Variants in C10orf90 observed in about 807,000 individuals in gnomAD.
C10orf90 encodes (E2-independent) E3 ubiquitin-conjugating enzyme FATS.
Under a neutral mutation model 62.5 loss-of-function variants are expected in C10orf90, and 56 were observed. The observed-to-expected ratio is 0.90, with a 90% CI of 0.72 to 1.12. C10orf90 has a LOEUF of 1.12. Among genes scored for constraint, C10orf90 ranks in the 50% most tolerant of loss-of-function variants. The pLI is 0.00. For synonymous variants in C10orf90, 386 were observed against 340.4 expected (o/e 1.13, Z -1.47); for missense variants, 970 against 880.4 (o/e 1.10, Z -1.29).
intron 2 of C10orf90, among the ~76,000 whole-genome samples, chr10:126,618,412 C>A (rs1213455526): frequency 6.6e-6 from 1 of 152,174 alleles, no homozygotes; most frequent in Non-Finnish European, 1.5e-5. Context: ...GGCCTCCCGC[C>A]TCCCCACATA....
intron 2 of C10orf90, among the ~76,000 whole-genome samples, chr10:126,594,989 G>C (rs543944928): frequency 1.3e-5 from 2 of 152,234 alleles, no homozygotes; most frequent in African/African-American, 4.8e-5. Context: ...CATGCTAAGA[G>C]AGACCACTCT....
chr10:126,600,801 T>C (rs958463985), intron 2 of C10orf90, among the ~76,000 whole-genome samples: 1 of 152,146 alleles, frequency 6.6e-6, no homozygotes, highest in African/African-American at 2.4e-5. Context: ...CTTACCTTAA[T>C]TGAGGGACAC....
intron 2 of C10orf90, among the ~76,000 whole-genome samples, chr10:126,602,428 G>T (rs1845215359): frequency 1.3e-5 from 2 of 152,192 alleles, no homozygotes; most frequent in South Asian, 4.1e-4. Context: ...GCAAGGGTAA[G>T]AAACCCTCCA....
intron 1 of C10orf90, among the ~76,000 whole-genome samples, chr10:126,650,612 G>A (rs533140115): frequency 6.6e-6 from 1 of 152,208 alleles, no homozygotes; most frequent in Non-Finnish European, 1.5e-5. Flanking sequence ...CTAGGGAATA[G>A]AGAACTATGA....
intron 2 of C10orf90, among the ~76,000 whole-genome samples, chr10:126,535,021 T>C (rs987993846): frequency 1.3e-5 from 2 of 152,124 alleles, no homozygotes; most frequent in South Asian, 4.1e-4. Flanking sequence ...GAGCCACATA[T>C]TATCACCCCA....
chr10:126,448,617 A>G (rs1217489347), intron 7 of C10orf90, among the ~76,000 whole-genome samples: 4 of 152,150 alleles, frequency 2.6e-5, no homozygotes, highest in African/African-American at 9.7e-5. Flanking sequence ...TGTTTTTTTG[A>G]AAAGATAAAC....
chr10:126,635,745 A>T lies in C10orf90; in HGVS notation c.313+10820T>A, dbSNP rs181915375. Reference sequence around the variant, plus strand: ...GTGGGTCCACCTGGCAGGGGTGCTCACCGTCCTCCTTCAGCCAGAGCTCCT... The same window carrying T: ...GTGGGTCCACCTGGCAGGGGTGCTCTCCGTCCTCCTTCAGCCAGAGCTCCT... On this transcript the variant is annotated intron_variant, in intron 2 of 9. Coordinates refer to ENST00000488181, the MANE Select transcript of C10orf90 (RefSeq NM_001350921.2). Among the ~76,000 whole-genome samples the T allele has an allele frequency of 1.7e-3, 256 of 152,270 alleles. 5 individuals are homozygous for T. The Middle Eastern group carries it at 0.027, about 16-fold the overall frequency.
intron 2 of C10orf90, among the ~76,000 whole-genome samples, chr10:126,562,465 G>A (rs1380083609): frequency 2.0e-5 from 3 of 152,154 alleles, no homozygotes; most frequent in Non-Finnish European, 4.4e-5. Context: ...GCATGAGACA[G>A]AACAGTCCCA....
intron 2 of C10orf90, among the ~76,000 whole-genome samples, chr10:126,533,950 T>C (rs1411903352): frequency 6.6e-6 from 1 of 152,160 alleles, no homozygotes; most frequent in Non-Finnish European, 1.5e-5. Flanking sequence ...GGTGGCACCT[T>C]GCCACTGAGA....
chr10:126,592,072 T>A (rs550673875), intron 2 of C10orf90, among the ~76,000 whole-genome samples: 1 of 152,212 alleles, frequency 6.6e-6, no homozygotes, highest in East Asian at 1.9e-4. Flanking sequence ...GGAAAAACAT[T>A]CCATGCTCAT....
intron 7 of C10orf90, among the ~76,000 whole-genome samples, chr10:126,457,770 C>T (rs1859677704): frequency 6.6e-6 from 1 of 152,152 alleles, no homozygotes; most frequent in Non-Finnish European, 1.5e-5. Context: ...TGGCTTTGGT[C>T]CTCACAGCAA....
chr10:126,653,238 C>T (rs1393208794), intron 1 of C10orf90, among the ~76,000 whole-genome samples: 1 of 152,304 alleles, frequency 6.6e-6, no homozygotes, highest in East Asian at 1.9e-4. Flanking sequence ...TCAATTGACT[C>T]TTCCTTTCAC....
At chr10:126,582,401 C>G (rs1251188810) in intron 2 of C10orf90, among the ~76,000 whole-genome samples, 1 of 152,154 alleles carries the variant, frequency 6.6e-6, no homozygotes, top group Non-Finnish European at 1.5e-5. Flanking sequence ...TCCTTTTCCA[C>G]AATTGAAACC....
intron 1 of C10orf90, among the ~76,000 whole-genome samples, chr10:126,653,591 G>A (rs10901641): frequency 0.13 from 20,226 of 152,132 alleles, 1,586 homozygotes; most frequent in Non-Finnish European, 0.18. Context: ...TTCCTCCACT[G>A]AAGTCTCGAA....
intron 1 of C10orf90, among the ~76,000 whole-genome samples, chr10:126,668,882 G>A (rs890409918): frequency 2.0e-5 from 3 of 152,152 alleles, no homozygotes; most frequent in African/African-American, 7.2e-5. Flanking sequence ...CTCCTAAAAA[G>A]GTGTACTTTT....
chr10:126,524,784 A>G (rs1863884396), intron 2 of C10orf90: 3 of 985,524 alleles, frequency 3.0e-6, no homozygotes, highest in Non-Finnish European at 3.6e-6. Flanking sequence ...GGCTTGTCCT[A>G]CAAGAGCTGG....
At chr10:126,445,398 C>T (rs1325248896) in intron 7 of C10orf90, among the ~76,000 whole-genome samples, 1 of 151,928 alleles carries the variant, frequency 6.6e-6, no homozygotes, top group African/African-American at 2.4e-5. Flanking sequence ...AAATGGCCAA[C>T]AAACATATGA....
chr10:126,665,740 A>G (rs907909061), intron 1 of C10orf90, among the ~76,000 whole-genome samples: 2 of 152,186 alleles, frequency 1.3e-5, no homozygotes, highest in Non-Finnish European at 2.9e-5. Context: ...GGGGAAACTC[A>G]GCTGAGCCTG....
intron 1 of C10orf90, among the ~76,000 whole-genome samples, chr10:126,648,734 G>A (rs1846220055): frequency 6.6e-6 from 1 of 152,178 alleles, no homozygotes; most frequent in African/African-American, 2.4e-5. Flanking sequence ...AGGCTGTCTT[G>A]GAGGTGGAGG....
Sources: allele counts gnomAD v4.1 joint callset (sites outside exome capture counted in the v4.1 genomes callset), GRCh38; gene constraint gnomAD v4.1.1; transcripts MANE v1.5; gene names NCBI Gene and HGNC (gene_info 2026-07-23, HGNC 2026-07-21).